Variants in WBP4 observed in about 807,000 individuals in gnomAD.
WBP4 encodes WW domain binding protein 4.
In WBP4, 37 loss-of-function variants were observed where a neutral mutation model predicts 55.4. The ratio of observed to expected loss-of-function variants is 0.67; its 90% CI spans 0.51 to 0.88. WBP4 has a LOEUF of 0.88. Ranked by LOEUF, WBP4 falls within the 40% of genes least tolerant of loss-of-function variation. The pLI, the probability that WBP4 is intolerant of heterozygous loss-of-function variation, is 0.00. For missense variants in WBP4, 398 were observed against 420.8 expected (o/e 0.95, Z 0.47); for synonymous variants, 142 against 140.2 (o/e 1.01, Z -0.09).
intron 8 of WBP4, among the ~76,000 whole-genome samples, chr13:41,076,899 C>T (rs1034203787): frequency 1.3e-5 from 2 of 152,138 alleles, no homozygotes; most frequent in African/African-American, 4.8e-5. Flanking sequence ...GCAAAGCCTT[C>T]GTTGTAATTG....
At chr13:41,065,829 A>G (rs1877950034) in intron 4 of WBP4, among the ~76,000 whole-genome samples, 2 of 152,208 alleles carry the variant, frequency 1.3e-5, no homozygotes, top group African/African-American at 4.8e-5. Context: ...CTATCTTGTC[A>G]TTGAATTTAG....
In WBP4 at chr13:41,075,857, T is replaced by C. The variant is rs913521570; in HGVS notation, c.563-187T>C. Among the ~76,000 whole-genome samples the C allele has an allele frequency of 2.6e-5, 4 of 152,210 alleles. No individual in the cohort carries two copies. In the East Asian group the frequency reaches 5.8e-4, roughly 22 times the overall value. ...TACACATCTAGTAAATCCGGGCTGTTTGAAATCAATTTCTGAAAGATACAA... is the reference window on the plus strand; with the variant it reads ...TACACATCTAGTAAATCCGGGCTGTCTGAAATCAATTTCTGAAAGATACAA... On this transcript the variant is annotated intron_variant, in intron 7 of 9. Coordinates refer to ENST00000379487, the MANE Select transcript of WBP4 (RefSeq NM_007187.5).
chr13:41,061,826 G>T, intron 1 of WBP4, 151 bp downstream of exon 1: 2 of 1,348,010 alleles, frequency 1.5e-6, no homozygotes, highest in Non-Finnish European at 2.0e-6. Flanking sequence ...CAGACCTGCA[G>T]GGCCGGTTCT....
At chr13:41,064,339 C>T (rs1437347075) in intron 2 of WBP4, among the ~76,000 whole-genome samples, 1 of 152,084 alleles carries the variant, frequency 6.6e-6, no homozygotes, top group African/African-American at 2.4e-5. Context: ...AACAGTGCTG[C>T]AGTCAGTAAG....
At chr13:41,064,377 T>A (rs1877849545) in intron 2 of WBP4, among the ~76,000 whole-genome samples, 1 of 152,152 alleles carries the variant, frequency 6.6e-6, no homozygotes. Flanking sequence ...TTTGTACATG[T>A]GCAGGTATAT....
chr13:41,071,678 C>A, intron 6 of WBP4, 105 bp downstream of exon 6: 1 of 984,300 alleles, frequency 1.0e-6, no homozygotes, highest in Non-Finnish European at 1.5e-6. Flanking sequence ...AAATACTCCA[C>A]TCCCTCCACC....
chr13:41,082,875 A>G lies in WBP4; in HGVS notation c.1092A>G (p.Gly364=). 4 of 1,614,112 alleles carry G rather than the reference A, an allele frequency of 2.5e-6. No homozygotes were observed. The highest frequency in any genetic ancestry group is 2.5e-6 in the Non-Finnish European group (3 of 1,180,010). Residue 364 remains glycine, a synonymous_variant, in exon 10 of 10, where the codon GGA becomes GGG. Coordinates refer to ENST00000379487, the MANE Select transcript of WBP4 (RefSeq NM_007187.5). ...TCAAAAAGAGAAGAACTGAAAATGGAAAATCTAGAAATTTAAGGCAACGAG... is the reference window on the plus strand; with the variant it reads ...TCAAAAAGAGAAGAACTGAAAATGGGAAATCTAGAAATTTAAGGCAACGAG... ...PVFKKRRTEN[G]KSRNLRQRGD...
chr13:41,066,240 CT>C (rs1450687303), intron 4 of WBP4, among the ~76,000 whole-genome samples: 3 of 152,114 alleles, frequency 2.0e-5, no homozygotes, highest in Non-Finnish European at 2.9e-5. Context: ...TTATGCTGCC[CT>C]TTGAGCAAAT....
rs9634765 is a variant in WBP4 at position 41,069,685 on chromosome 13, G to A, written c.439+948G>A. Among the ~76,000 whole-genome samples the A allele has an allele frequency of 3.0e-3, 388 of 129,798 alleles. 8 individuals carry two copies. In the East Asian group the frequency reaches 0.056, roughly 19 times the overall value. 85.2% of individuals were successfully genotyped at this position (129,798 alleles called of 152,430 possible). ...TGGGCCACTGTACTCCAGCCTGGGCGACAGAGCGAGACTCTGCCTCAAAAA... is the reference window on the plus strand; with the variant it reads ...TGGGCCACTGTACTCCAGCCTGGGCAACAGAGCGAGACTCTGCCTCAAAAA... On this transcript the variant is annotated intron_variant, in intron 5 of 9. Coordinates refer to ENST00000379487, the MANE Select transcript of WBP4 (RefSeq NM_007187.5).
chr13:41,073,622 C>T (rs1239591639), intron 7 of WBP4, among the ~76,000 whole-genome samples: 1 of 152,058 alleles, frequency 6.6e-6, no homozygotes, highest in South Asian at 2.1e-4. Context: ...CGAGACCAGC[C>T]TGACCAACAT....
intron 6 of WBP4, among the ~76,000 whole-genome samples, chr13:41,072,003 A>G (rs1878268146): frequency 1.4e-5 from 2 of 147,008 alleles, no homozygotes; most frequent in South Asian, 2.2e-4. Context: ...CCGAGATTGC[A>G]CCACCGCACT....
chr13:41,079,304 C>T (rs1038028182), intron 8 of WBP4, among the ~76,000 whole-genome samples: 2 of 152,084 alleles, frequency 1.3e-5, no homozygotes, highest in African/African-American at 4.8e-5. Context: ...GATGCAGTGG[C>T]TCACACCTGT....
At chr13:41,072,299 AG>A (rs1255903838) in intron 6 of WBP4, among the ~76,000 whole-genome samples, 1 of 152,202 alleles carries the variant, frequency 6.6e-6, no homozygotes, top group African/African-American at 2.4e-5. Flanking sequence ...ATTGCTATAA[AG>A]AAATACTTCT....
At chr13:41,062,096 GTTTTTTT>G (rs60658317) in intron 1 of WBP4, 203 of 804,978 alleles carry the variant, frequency 2.5e-4, no homozygotes, top group East Asian at 5.5e-4. Flanking sequence ...TAGCGTAATG[GTTTTTTT>G]TTTTTTTTTT....
intron 8 of WBP4, 51 bp downstream of exon 8, chr13:41,076,288 T>C: frequency 7.2e-7 from 1 of 1,384,064 alleles, no homozygotes; most frequent in Non-Finnish European, 9.5e-7. Context: ...TTTTTTTTTT[T>C]TTTTTTTTTG....
intron 9 of WBP4, 32 bp from the exon 10 acceptor site, chr13:41,082,672 C>T: frequency 6.2e-7 from 1 of 1,602,728 alleles, no homozygotes; most frequent in South Asian, 1.1e-5. Flanking sequence ...CTTACCCTGT[C>T]AAATAGAGTT....
intron 1 of WBP4, 147 bp from the exon 2 acceptor site, chr13:41,062,497 C>T (rs1872403462): frequency 1.3e-6 from 1 of 748,604 alleles, no homozygotes; most frequent in Non-Finnish European, 2.0e-6. Context: ...TGTGCTCCAA[C>T]CAGATAAATA....
At chr13:41,077,596 A>G (rs1430907851) in intron 8 of WBP4, among the ~76,000 whole-genome samples, 2 of 152,226 alleles carry the variant, frequency 1.3e-5, no homozygotes, top group East Asian at 3.8e-4. Context: ...GCTCACTTCA[A>G]CCACTCCTTT....
chr13:41,062,742 T>C, intron 2 of WBP4, 26 bp downstream of exon 2: 1 of 1,589,366 alleles, frequency 6.3e-7, no homozygotes, highest in Non-Finnish European at 8.6e-7. Context: ...TGTTAGAGAT[T>C]CTAATAATAA....
Sources: allele counts gnomAD v4.1 joint callset (sites outside exome capture counted in the v4.1 genomes callset), GRCh38; gene constraint gnomAD v4.1.1; transcripts MANE v1.5; gene names NCBI Gene and HGNC (gene_info 2026-07-23, HGNC 2026-07-21).